The following CREB5 variants were observed in gnomAD, a reference collection of about 807,000 sequenced individuals.
The protein encoded by CREB5 is cyclic AMP-responsive element-binding protein 5.
Under a neutral mutation model 57.1 loss-of-function variants are expected in CREB5, and 19 were observed. That is an observed-to-expected ratio of 0.33 (90% CI 0.23 to 0.49). The LOEUF (loss-of-function observed/expected upper bound fraction) is 0.49, where lower values mean the gene tolerates loss of function less well. Among genes scored for constraint, CREB5 ranks in the 20% least tolerant of loss-of-function variants. CREB5 has a pLI of 0.99. For missense variants in CREB5, 579 were observed against 671.6 expected (o/e 0.86, Z 1.52); for synonymous variants, 238 against 238.3 (o/e 1.00, Z 0.01).
intron 1 of CREB5, among the ~76,000 whole-genome samples, chr7:28,474,625 A>G (rs2128584952): frequency 6.6e-6 from 1 of 152,326 alleles, no homozygotes; most frequent in South Asian, 2.1e-4. Flanking sequence ...ACTACTACTT[A>G]GAACTGCGTT....
At chr7:28,491,663 T>C (rs1388487781) in intron 2 of CREB5, among the ~76,000 whole-genome samples, 1 of 152,200 alleles carries the variant, frequency 6.6e-6, no homozygotes, top group African/African-American at 2.4e-5. Flanking sequence ...CAAGCTGTTA[T>C]AAAAATATGT....
At chr7:28,375,322 C>A (rs191209247) in intron 1 of CREB5, among the ~76,000 whole-genome samples, 88 of 152,132 alleles carry the variant, frequency 5.8e-4, no homozygotes, top group African/African-American at 2.0e-3. Flanking sequence ...AACAATTGAA[C>A]CCATGGAGAC....
At chr7:28,504,843 GT>G (rs1374944474) in intron 3 of CREB5, among the ~76,000 whole-genome samples, 4 of 152,034 alleles carry the variant, frequency 2.6e-5, no homozygotes, top group Admixed American at 6.5e-5. Flanking sequence ...ACCAAAAGGA[GT>G]TTAAAAAAAC....
chr7:28,371,396 G>A (rs1397356385), intron 1 of CREB5, among the ~76,000 whole-genome samples: 1 of 151,214 alleles, frequency 6.6e-6, no homozygotes, highest in African/African-American at 2.4e-5. Context: ...GGTTGAGGCA[G>A]GAGAATAGCT....
chr7:28,609,660 G>A (rs1219709595), intron 5 of CREB5, among the ~76,000 whole-genome samples: 8 of 152,200 alleles, frequency 5.3e-5, no homozygotes, highest in Non-Finnish European at 1.2e-4. Flanking sequence ...CAGGACCCAA[G>A]TCTACCTTGT....
intron 5 of CREB5, among the ~76,000 whole-genome samples, chr7:28,716,644 A>G (rs1378106431): frequency 6.6e-6 from 1 of 152,188 alleles, no homozygotes; most frequent in Non-Finnish European, 1.5e-5. Flanking sequence ...ATACACTTTG[A>G]TATTCCACTA....
intron 7 of CREB5, among the ~76,000 whole-genome samples, chr7:28,735,287 C>T (rs1291288628): frequency 6.6e-6 from 1 of 152,120 alleles, no homozygotes; most frequent in African/African-American, 2.4e-5. Flanking sequence ...GGCTCTTTCA[C>T]ATTTTCTGTG....
intron 5 of CREB5, among the ~76,000 whole-genome samples, chr7:28,715,256 C>T (rs150552111): frequency 1.9e-3 from 288 of 152,232 alleles, no homozygotes; most frequent in African/African-American, 6.5e-3. Context: ...AAACCCTGTA[C>T]GGCAAGTTGA....
intron 1 of CREB5, among the ~76,000 whole-genome samples, chr7:28,352,746 G>A (rs1562670251): frequency 6.6e-6 from 1 of 152,136 alleles, no homozygotes; most frequent in Non-Finnish European, 1.5e-5. Flanking sequence ...CAATAGGTAA[G>A]GAATAGATGT....
chr7:28,681,912 G>GA (rs1371330026), intron 5 of CREB5, among the ~76,000 whole-genome samples: 1 of 152,152 alleles, frequency 6.6e-6, no homozygotes, highest in Non-Finnish European at 1.5e-5. Flanking sequence ...AGAAGTTAGA[G>GA]AAAAAACACT....
At chr7:28,631,501 G>A (rs2128693312) in intron 5 of CREB5, among the ~76,000 whole-genome samples, 1 of 152,206 alleles carries the variant, frequency 6.6e-6, no homozygotes, top group African/African-American at 2.4e-5. Context: ...TCAAACACTT[G>A]GCAAAGATTT....
intron 1 of CREB5, among the ~76,000 whole-genome samples, chr7:28,330,640 CCA>C (rs1785699172): frequency 2.0e-5 from 3 of 150,104 alleles, no homozygotes; most frequent in South Asian, 4.2e-4. Flanking sequence ...AAAAAAACAA[CCA>C]CAGACTATGA....
intron 1 of CREB5, among the ~76,000 whole-genome samples, chr7:28,399,159 C>T (rs1194786491): frequency 6.6e-6 from 1 of 151,934 alleles, no homozygotes; most frequent in Non-Finnish European, 1.5e-5. Flanking sequence ...GTGGGGAAGG[C>T]CTTTCTAGAA....
intron 1 of CREB5, among the ~76,000 whole-genome samples, chr7:28,394,602 T>G (rs1034627972): frequency 1.3e-5 from 2 of 152,206 alleles, no homozygotes; most frequent in Admixed American, 1.3e-4. Flanking sequence ...GGCTAGGTGT[T>G]CTTAAGAGCC....
intron 1 of CREB5, among the ~76,000 whole-genome samples, chr7:28,395,367 G>GATTT (rs1787314268): frequency 6.6e-6 from 1 of 152,158 alleles, no homozygotes; most frequent in East Asian, 1.9e-4. Context: ...CCAGAGACAT[G>GATTT]ATTTACAGTA....
intron 5 of CREB5, among the ~76,000 whole-genome samples, chr7:28,670,376 G>A (rs1181067569): frequency 6.6e-6 from 1 of 152,194 alleles, no homozygotes; most frequent in African/African-American, 2.4e-5. Context: ...TGAAACGGCA[G>A]AAAACCAAGC....
At chr7:28,680,420 C>T (rs1800531170) in intron 5 of CREB5, among the ~76,000 whole-genome samples, 5 of 152,244 alleles carry the variant, frequency 3.3e-5, no homozygotes, top group Middle Eastern at 3.4e-3. Flanking sequence ...AGTCTGACAA[C>T]ATCATTAGGC....
rs143883897 is a variant in CREB5, at chr7:28,566,490, A to T, written c.292-3875A>T. On this transcript the variant is annotated intron_variant, in intron 4 of 10. Coordinates refer to ENST00000357727, the MANE Select transcript of CREB5 (RefSeq NM_182898.4). ...AGCTTCACATCTACCCCTCTGTACTATCAGAAATAACTCAGCAAGATAGAG... is the reference window on the plus strand; with the variant it reads ...AGCTTCACATCTACCCCTCTGTACTTTCAGAAATAACTCAGCAAGATAGAG... 1.9e-3 allele frequency among the ~76,000 whole-genome samples: 287 copies of T among 152,346 alleles called. 3 individuals are homozygous for T. The highest frequency in any genetic ancestry group is 0.017 in the Middle Eastern group (5 of 294).
At chr7:28,349,962 C>G (rs1211547145) in intron 1 of CREB5, among the ~76,000 whole-genome samples, 3 of 152,164 alleles carry the variant, frequency 2.0e-5, no homozygotes, top group Non-Finnish European at 4.4e-5. Flanking sequence ...AGTTGAATTA[C>G]TTACATTATT....
Sources: allele counts gnomAD v4.1 joint callset (sites outside exome capture counted in the v4.1 genomes callset), GRCh38; gene constraint gnomAD v4.1.1; transcripts MANE v1.5; gene names NCBI Gene and HGNC (gene_info 2026-07-23, HGNC 2026-07-21).